Variants in PCDHA5 observed in about 807,000 individuals in gnomAD.
The protein encoded by PCDHA5 is protocadherin alpha 5.
In PCDHA5, 43 loss-of-function variants were observed where a neutral mutation model predicts 61.6. The ratio of observed to expected loss-of-function variants is 0.70; its 90% CI spans 0.55 to 0.90. The LOEUF is 0.90. Among genes scored for constraint, PCDHA5 ranks in the 40% least tolerant of loss-of-function variants. The pLI is 0.00. For missense variants in PCDHA5, 1,298 were observed against 1,222.7 expected, an observed-to-expected ratio of 1.06 and a Z score of -0.92; for synonymous variants, 627 against 543.9, an observed-to-expected ratio of 1.15 and a Z score of -2.13.
chr5:140,832,420 A>C (rs1771976831), intron 1 of PCDHA5, among the ~76,000 whole-genome samples: 1 of 152,226 alleles, frequency 6.6e-6, no homozygotes, highest in African/African-American at 2.4e-5. Flanking sequence ...TTCTAAAAGA[A>C]GTACATGATA....
intron 1 of PCDHA5, chr5:140,850,656 C>T: frequency 6.3e-7 from 1 of 1,598,598 alleles, no homozygotes; most frequent in Non-Finnish European, 8.6e-7. Context: ...GTACACTGTG[C>T]TGCGGTGCTC....
chr5:140,986,114 T>A (rs1465954606), intron 3 of PCDHA5, among the ~76,000 whole-genome samples: 1 of 152,168 alleles, frequency 6.6e-6, no homozygotes, highest in Non-Finnish European at 1.5e-5. Flanking sequence ...AAGATAAAGA[T>A]GCCACACTCT....
chr5:140,841,588 G>C, intron 1 of PCDHA5: 1 of 1,614,070 alleles, frequency 6.2e-7, no homozygotes. Context: ...TGAATTCTCG[G>C]ATCGACCGCG....
At position 140,848,972 on chromosome 5, in the gene PCDHA5, T is replaced by C. The variant is rs17844324; in HGVS notation, c.2352+24845T>C. ...GGTTTCCACTAGAGGGCGCGTCCGA[T>C]GCAGATATCGGGGAGAACGCCCTGC... On this transcript the variant is annotated intron_variant, in intron 1 of 3. Coordinates refer to ENST00000529859, the MANE Select transcript of PCDHA5 (RefSeq NM_018908.3). The C allele has an allele frequency of 2.8e-5, 45 of 1,601,076 alleles. 3 individuals are homozygous for C. In the East Asian group the frequency reaches 9.8e-4, roughly 35 times the overall value.
chr5:140,850,168 A>C, intron 1 of PCDHA5: 1 of 1,594,824 alleles, frequency 6.3e-7, no homozygotes, highest in Non-Finnish European at 8.6e-7. Flanking sequence ...GTGCTGGACG[A>C]GAACGACAAT....
At chr5:140,953,551 T>C (rs565115779) in intron 1 of PCDHA5, among the ~76,000 whole-genome samples, 1 of 152,240 alleles carries the variant, frequency 6.6e-6, no homozygotes, top group East Asian at 1.9e-4. Flanking sequence ...GATTCTTTTC[T>C]CCAAGTTTTA....
At chr5:140,869,561 C>G in intron 1 of PCDHA5, 1 of 1,614,150 alleles carries the variant, frequency 6.2e-7, no homozygotes, top group Non-Finnish European at 8.5e-7. Flanking sequence ...TCGCGTTTTC[C>G]ACTAGAGGGA....
intron 1 of PCDHA5, among the ~76,000 whole-genome samples, chr5:140,921,323 G>C (rs192159885): frequency 7.2e-4 from 109 of 151,970 alleles, no homozygotes; most frequent in African/African-American, 2.6e-3. Context: ...GAGCTAATCT[G>C]TCTGGTCCAA....
intron 1 of PCDHA5, among the ~76,000 whole-genome samples, chr5:140,970,569 C>T (rs1346474165): frequency 3.9e-5 from 6 of 152,038 alleles, no homozygotes; most frequent in African/African-American, 1.4e-4. Flanking sequence ...CATATGTATG[C>T]TTGAAATAAC....
At chr5:140,970,693 G>C (rs2096425356) in intron 1 of PCDHA5, among the ~76,000 whole-genome samples, 1 of 152,134 alleles carries the variant, frequency 6.6e-6, no homozygotes, top group South Asian at 2.1e-4. Flanking sequence ...AGGGCTTTTA[G>C]AGCTACTACA....
chr5:140,884,060 G>T (rs781956914), intron 1 of PCDHA5: 1 of 1,613,430 alleles, frequency 6.2e-7, no homozygotes, highest in African/African-American at 1.3e-5. Flanking sequence ...GCGCGCGGTG[G>T]ACGCCGATTC....
chr5:140,973,812 G>A (rs897592585), intron 1 of PCDHA5, among the ~76,000 whole-genome samples: 10 of 152,236 alleles, frequency 6.6e-5, no homozygotes, highest in Admixed American at 6.5e-4. Context: ...TGACAGAATA[G>A]CAAAGTCAGT....
rs145175505 is a variant in PCDHA5, at chr5:140,843,176, C to T, written c.2352+19049C>T. On this transcript the variant is annotated intron_variant, in intron 1 of 3. Coordinates refer to ENST00000529859, the MANE Select transcript of PCDHA5 (RefSeq NM_018908.3). ...GCTGCAGCCAGCTGCAAGCAGCCCT[C>T]GCATCCCGTTCCGCGTGGGGCTGTA... 1.2e-5 allele frequency: 19 copies of T among 1,595,968 alleles called. 3 individuals carry two copies. Among genetic ancestry groups the T allele is most frequent in the Non-Finnish European group, 1.5e-5 (18 of 1,165,618 alleles).
chr5:140,877,674 G>C, intron 1 of PCDHA5: 2 of 1,613,630 alleles, frequency 1.2e-6, no homozygotes, highest in East Asian at 4.5e-5. Context: ...GGTGCGCGCC[G>C]GGCAAGCCCA....
intron 1 of PCDHA5, chr5:140,858,580 A>G (rs1374882572): frequency 8.9e-6 from 12 of 1,352,620 alleles, no homozygotes; most frequent in Middle Eastern, 2.1e-4. Context: ...CCTTTGTAAT[A>G]TAATTTATTC....
At chr5:140,877,189 G>A in intron 1 of PCDHA5, 1 of 1,613,808 alleles carries the variant, frequency 6.2e-7, no homozygotes, top group Non-Finnish European at 8.5e-7. Flanking sequence ...GGCTGGCAGC[G>A]CAGGAGGCGC....
chr5:140,952,338 C>CAAAAAAAA (rs55931446), intron 1 of PCDHA5, among the ~76,000 whole-genome samples: 1 of 135,028 alleles, frequency 7.4e-6, no homozygotes. Context: ...AACTCCATCT[C>CAAAAAAAA]AAAAAAAAAA....
intron 1 of PCDHA5, among the ~76,000 whole-genome samples, chr5:140,898,262 C>G (rs2066619852): frequency 6.6e-6 from 1 of 152,130 alleles, no homozygotes; most frequent in Admixed American, 6.5e-5. Context: ...GAAGTCCTTG[C>G]CCATGCCTAA....
intron 3 of PCDHA5, among the ~76,000 whole-genome samples, chr5:141,004,580 A>G (rs782539696): frequency 5.3e-5 from 8 of 152,222 alleles, no homozygotes; most frequent in Non-Finnish European, 1.2e-4. Context: ...TGTGTTCTGC[A>G]TCTCCAGATG....
Sources: allele counts gnomAD v4.1 joint callset (sites outside exome capture counted in the v4.1 genomes callset), GRCh38; gene constraint gnomAD v4.1.1; transcripts MANE v1.5; gene names NCBI Gene and HGNC (gene_info 2026-07-23, HGNC 2026-07-21).